The following BRAF variants were observed in gnomAD, a reference collection of about 807,000 sequenced individuals.
The protein encoded by BRAF is B-Raf proto-oncogene, serine/threonine kinase.
In BRAF, 16 loss-of-function variants were observed where a neutral mutation model predicts 104.6. The ratio of observed to expected loss-of-function variants is 0.15; its 90% CI spans 0.10 to 0.23. The LOEUF (loss-of-function observed/expected upper bound fraction) is 0.23. BRAF is among the 10% of genes least tolerant of loss of function. The pLI, the probability that BRAF is intolerant of heterozygous loss-of-function variation, is 1.00. For synonymous variants in BRAF, 310 were observed against 341.6 expected (o/e 0.91, Z 1.02); for missense variants, 541 against 937.3 (o/e 0.58, Z 5.52).
At chr7:140,883,119 A>G in intron 1 of BRAF, among the ~76,000 whole-genome samples, 1 of 152,154 alleles carries the variant, frequency 6.6e-6, no homozygotes, top group East Asian at 1.9e-4. Context: ...ATGAATACCA[A>G]AACAGTTGAT....
At chr7:140,807,448 G>T (rs1204582579) in intron 5 of BRAF, among the ~76,000 whole-genome samples, 1 of 151,754 alleles carries the variant, frequency 6.6e-6, no homozygotes, top group Non-Finnish European at 1.5e-5. Flanking sequence ...GACATGAAAA[G>T]ATGTCCGTGA....
At chr7:140,761,683 G>T (rs1798755288) in intron 14 of BRAF, among the ~76,000 whole-genome samples, 1 of 152,108 alleles carries the variant, frequency 6.6e-6, no homozygotes, top group African/African-American at 2.4e-5. Flanking sequence ...AAAATAAAAG[G>T]ATGGAGGAAG....
At chr7:140,909,368 T>G (rs1052490552) in intron 1 of BRAF, among the ~76,000 whole-genome samples, 1 of 152,150 alleles carries the variant, frequency 6.6e-6, no homozygotes, top group South Asian at 2.1e-4. Context: ...AAGGTTTTGG[T>G]GAGCACGCCA....
intron 7 of BRAF, among the ~76,000 whole-genome samples, chr7:140,795,773 T>G (rs1733826): frequency 1.3e-5 from 2 of 152,170 alleles, no homozygotes; most frequent in African/African-American, 4.8e-5. Flanking sequence ...TAATAAAATA[T>G]TATGTACTAA....
intron 14 of BRAF, among the ~76,000 whole-genome samples, chr7:140,770,385 TC>T (rs1708223512): frequency 6.6e-6 from 1 of 152,156 alleles, no homozygotes; most frequent in Non-Finnish European, 1.5e-5. Context: ...TTATTTTTAA[TC>T]ATCTTATTTT....
intron 1 of BRAF, among the ~76,000 whole-genome samples, chr7:140,860,078 CAA>C (rs1810240142): frequency 6.6e-6 from 1 of 152,102 alleles, no homozygotes; most frequent in Non-Finnish European, 1.5e-5. Context: ...ACCAGGAAAA[CAA>C]GACTTACAGA....
At chr7:140,770,795 T>G (rs1799767118) in intron 14 of BRAF, among the ~76,000 whole-genome samples, 1 of 151,378 alleles carries the variant, frequency 6.6e-6, no homozygotes, top group African/African-American at 2.4e-5. Context: ...TAGCCAGGTG[T>G]GGTGGTGGGT....
At chr7:140,896,714 A>G (rs371610993) in intron 1 of BRAF, among the ~76,000 whole-genome samples, 1 of 152,186 alleles carries the variant, frequency 6.6e-6, no homozygotes. Context: ...GAAAATACAA[A>G]AATAAGCCGG....
At chr7:140,753,729 G>C (rs772350908) in intron 15 of BRAF, 3 of 306,520 alleles carry the variant, frequency 9.8e-6, no homozygotes, top group Non-Finnish European at 1.9e-5. Context: ...TGGGCGAGCA[G>C]TAAAGGCTCT....
intron 3 of BRAF, among the ~76,000 whole-genome samples, chr7:140,813,474 T>C (rs1804498347): frequency 6.6e-6 from 1 of 152,192 alleles, no homozygotes; most frequent in South Asian, 2.1e-4. Context: ...AAGTCACAAA[T>C]GCAAATTTCT....
intron 14 of BRAF, among the ~76,000 whole-genome samples, chr7:140,766,201 A>C (rs544950727): frequency 6.6e-6 from 1 of 152,164 alleles, no homozygotes; most frequent in Non-Finnish European, 1.5e-5. Flanking sequence ...CAAAAAACCA[A>C]ACACCGCATG....
chr7:140,742,548 C>A (rs1797016056), intron 17 of BRAF, among the ~76,000 whole-genome samples: 1 of 152,118 alleles, frequency 6.6e-6, no homozygotes, highest in Non-Finnish European at 1.5e-5. Flanking sequence ...ACTGGTATCC[C>A]CTTTGAAAAA....
At chr7:140,734,332 C>T in intron 19 of BRAF, 1 of 1,298,970 alleles carries the variant, frequency 7.7e-7, no homozygotes, top group African/African-American at 1.5e-5. Flanking sequence ...TGATACAAAC[C>T]CGGAACAGAA....
At chr7:140,915,997 CAAAAA>C (rs956567561) in intron 1 of BRAF, among the ~76,000 whole-genome samples, 1 of 124,038 alleles carries the variant, frequency 8.1e-6, no homozygotes, top group African/African-American at 3.4e-5. Context: ...AACAAACAAA[CAAAAA>C]AAACCCAAGG....
At chr7:140,809,562 T>G (rs558685589) in intron 3 of BRAF, among the ~76,000 whole-genome samples, 14 of 152,198 alleles carry the variant, frequency 9.2e-5, no homozygotes, top group Non-Finnish European at 1.8e-4. Flanking sequence ...GGTCACTACT[T>G]TTATGTCACT....
At chr7:140,905,365 T>A (rs1049184187) in intron 1 of BRAF, among the ~76,000 whole-genome samples, 1 of 152,242 alleles carries the variant, frequency 6.6e-6, no homozygotes, top group Non-Finnish European at 1.5e-5. Context: ...ATCTTCACAG[T>A]GAATTGGTCA....
At chr7:140,774,225 T>A (rs1284573857) in intron 14 of BRAF, among the ~76,000 whole-genome samples, 1 of 152,224 alleles carries the variant, frequency 6.6e-6, no homozygotes, top group African/African-American at 2.4e-5. Flanking sequence ...AAATCTAGGA[T>A]AAACTGAATG....
chr7:140,909,356 C>T (rs1464870402), intron 1 of BRAF, among the ~76,000 whole-genome samples: 3 of 151,960 alleles, frequency 2.0e-5, no homozygotes, highest in Non-Finnish European at 4.4e-5. Context: ...ACCCGGGAGG[C>T]GAAGGTTTTG....
At chr7:140,871,239 CA>C (rs11284186) in intron 1 of BRAF, among the ~76,000 whole-genome samples, 16,466 of 61,448 alleles carry the variant, frequency 0.27, 1,016 homozygotes, top group African/African-American at 0.42. Context: ...GACTCCGTCT[CA>C]AAAAAAAAAA....
Sources: gnomAD v4.1 joint callset for allele counts (sites outside exome capture counted in the v4.1 genomes callset) on GRCh38, gnomAD v4.1.1 for gene constraint, MANE v1.5 for transcripts, NCBI Gene and HGNC (gene_info 2026-07-23, HGNC 2026-07-21) for gene names.